PTPRN2: variants seen among roughly 807,000 people sequenced by gnomAD.
PTPRN2 encodes the protein protein tyrosine phosphatase receptor type N2.
Under a neutral mutation model 118.8 loss-of-function variants are expected in PTPRN2, and 74 were observed. The ratio of observed to expected loss-of-function variants is 0.62; its 90% CI spans 0.52 to 0.76. The LOEUF (loss-of-function observed/expected upper bound fraction) is 0.76. PTPRN2 is among the 30% of genes least tolerant of loss of function. The probability of loss-of-function intolerance (pLI) is 0.00; values close to 1 mark genes in which losing one functional copy is unlikely to be tolerated. For synonymous variants in PTPRN2, 641 were observed against 608.0 expected (o/e 1.05, Z -0.80); for missense variants, 1,481 against 1,394.4 (o/e 1.06, Z -0.99).
chr7:157,952,823 CACTT>C (rs961330624), intron 11 of PTPRN2, among the ~76,000 whole-genome samples: 54 of 152,262 alleles, frequency 3.5e-4, no homozygotes, highest in Middle Eastern at 3.4e-3. Context: ...GCTCTGAACA[CACTT>C]GCTTGCTTTC....
Position 158,133,785 on chromosome 7 carries a change from T to C in PTPRN2, c.1448A>G (p.Glu483Gly). 1 of 1,614,004 alleles carries C rather than the reference T, an allele frequency of 6.2e-7. No homozygotes were observed. The highest frequency in any genetic ancestry group is 8.5e-7 in the Non-Finnish European group (1 of 1,180,022). The change falls in exon 9 of 23, where the codon GAG becomes GGG. Residue 483 changes from glutamate (E) to glycine (G), a missense_variant. Glu to Gly is a moderately conservative substitution (Grantham distance 98). This residue lies in a region of PTPRN2 where 1,115 missense variants were observed against 994.2 expected (regional missense o/e 1.12). Coordinates refer to ENST00000389418, the MANE Select transcript of PTPRN2 (RefSeq NM_002847.5). ...AGCACCCGCTGGAAGGCTCTGCTCCTCCTTCGAGGGCCCAGGCATCTGGTT... is the reference window on the plus strand; with the variant it reads ...AGCACCCGCTGGAAGGCTCTGCTCCCCCTTCGAGGGCCCAGGCATCTGGTT... ...LQNQMPGPSK[E>G]EQSLPAGAQE...
intron 11 of PTPRN2, among the ~76,000 whole-genome samples, chr7:157,967,250 C>A (rs1802013445): frequency 6.6e-6 from 1 of 152,340 alleles, no homozygotes; most frequent in Non-Finnish European, 1.5e-5. Flanking sequence ...GTCGAGGCTG[C>A]AGTGCACTGT....
At chr7:158,269,843 G>A (rs1798176993) in intron 3 of PTPRN2, among the ~76,000 whole-genome samples, 1 of 151,654 alleles carries the variant, frequency 6.6e-6, no homozygotes, top group South Asian at 2.1e-4. Context: ...GGGATAGGGA[G>A]TCGGAGACAC....
intron 1 of PTPRN2, among the ~76,000 whole-genome samples, chr7:158,511,405 A>G (rs1207074421): frequency 6.6e-5 from 10 of 152,046 alleles, no homozygotes; most frequent in Non-Finnish European, 1.5e-5. Context: ...ACCTGTGCAG[A>G]ACTTGGAAGG....
chr7:157,866,830 GC>G (rs1174190183), intron 12 of PTPRN2, among the ~76,000 whole-genome samples: 14 of 7,434 alleles, frequency 1.9e-3, no homozygotes, highest in African/African-American at 2.8e-3. Flanking sequence ...GGCCACCACC[GC>G]CCCCCCCCGA....
At chr7:158,225,111 AC>A (rs1231393388) in intron 3 of PTPRN2, among the ~76,000 whole-genome samples, 2 of 151,074 alleles carry the variant, frequency 1.3e-5, no homozygotes, top group East Asian at 3.9e-4. Flanking sequence ...TATCACTGTT[AC>A]TTTTTTTTTT....
chr7:157,749,787 C>T (rs1333209950), intron 12 of PTPRN2, among the ~76,000 whole-genome samples: 1 of 144,142 alleles, frequency 6.9e-6, no homozygotes, highest in Non-Finnish European at 1.5e-5. Flanking sequence ...ATTCTGAGGC[C>T]TGCGTCCCTC....
intron 9 of PTPRN2, among the ~76,000 whole-genome samples, chr7:158,115,604 G>T (rs1453785231): frequency 2.0e-5 from 3 of 152,080 alleles, no homozygotes; most frequent in Admixed American, 6.5e-5. Flanking sequence ...AGGCTCTGTA[G>T]ATCTTTTTCC....
chr7:157,936,028 CA>C (rs1270606788), intron 11 of PTPRN2, among the ~76,000 whole-genome samples: 15 of 152,292 alleles, frequency 9.8e-5, no homozygotes, highest in Admixed American at 7.2e-4. Flanking sequence ...GTCGCTCCCT[CA>C]GGGGGGTCTA....
At chr7:157,742,102 A>C (rs1446651063) in intron 12 of PTPRN2, among the ~76,000 whole-genome samples, 1 of 152,226 alleles carries the variant, frequency 6.6e-6, no homozygotes, top group African/African-American at 2.4e-5. Flanking sequence ...ACGGTGACTG[A>C]GTGTGCTCAA....
Position 158,071,372 on chromosome 7 carries a change from GGTGGAGGTGCTC to G in PTPRN2, c.1723+9914_1723+9925del, listed in dbSNP as rs1563390803. Among the ~76,000 whole-genome samples, 892 of 114,990 alleles carry G rather than the reference GGTGGAGGTGCTC, an allele frequency of 7.8e-3. 97 individuals are homozygous for G. Among genetic ancestry groups the G allele is most frequent in the African/African-American group, 0.015 (412 of 27,974 alleles). 75.4% of individuals were successfully genotyped at this position (114,990 alleles called of 152,430 possible). A position where few individuals can be genotyped will look rare whatever the true frequency, so the allele number is the denominator to read the frequency against. ...TCGTGGTGGTGGAGGTGCTCATGGTGGTGGAGGTGCTCGTGGTGGAGGTGCTCGTGGTGGAGT... is the reference window on the plus strand; with the variant it reads ...TCGTGGTGGTGGAGGTGCTCATGGTGGTGGTGGAGGTGCTCGTGGTGGAGT... On this transcript the variant is annotated intron_variant, in intron 11 of 22. Transcript: ENST00000389418.
rs541285494 is a variant in PTPRN2 at position 157,935,910 on chromosome 7, G to A, written c.1724-37173C>T. Among the ~76,000 whole-genome samples the A allele has an allele frequency of 2.0e-5, 3 of 150,126 alleles. No homozygotes were observed. The South Asian group carries it at 6.5e-4, about 32-fold the overall frequency. ...CTCAGCATCTGTGTCGCTCCCTCAG[G>A]GGGGTCTAGCCATCCTCAGCATCTG... On this transcript the variant is annotated intron_variant, in intron 11 of 22. Transcript: ENST00000389418.
intron 3 of PTPRN2, among the ~76,000 whole-genome samples, chr7:158,281,267 T>C (rs1799406349): frequency 6.6e-6 from 1 of 152,168 alleles, no homozygotes; most frequent in Non-Finnish European, 1.5e-5. Flanking sequence ...CCAGTCTGGG[T>C]GACAGAGCAA....
chr7:157,730,882 G>A (rs371760158), intron 12 of PTPRN2, among the ~76,000 whole-genome samples: 211 of 152,264 alleles, frequency 1.4e-3, no homozygotes, highest in African/African-American at 4.8e-3. Context: ...CAGCTCTTCC[G>A]CTTGTTCTCT....
intron 2 of PTPRN2, among the ~76,000 whole-genome samples, chr7:158,425,386 A>G (rs113058688): frequency 1.9e-4 from 17 of 87,232 alleles, no homozygotes; most frequent in African/African-American, 9.0e-4. Flanking sequence ...AGCCTAGCTG[A>G]GGCCTGCGCA....
chr7:157,855,313 T>G (rs1809630464), intron 12 of PTPRN2, among the ~76,000 whole-genome samples: 1 of 152,178 alleles, frequency 6.6e-6, no homozygotes, highest in African/African-American at 2.4e-5. Flanking sequence ...CTTCTCGAGC[T>G]CGGCCTCTTA....
At chr7:157,923,330 G>A (rs1798791970) in intron 11 of PTPRN2, among the ~76,000 whole-genome samples, 1 of 152,196 alleles carries the variant, frequency 6.6e-6, no homozygotes, top group South Asian at 2.1e-4. Flanking sequence ...AGGTGGGTGT[G>A]TTCTGGCAGG....
intron 9 of PTPRN2, among the ~76,000 whole-genome samples, chr7:158,119,521 C>T (rs10228083): frequency 0.28 from 42,458 of 151,958 alleles, 6,843 homozygotes; most frequent in Middle Eastern, 0.44. Context: ...AGTAACTCCA[C>T]TCCTTGGTAT....
rs1797448556 is a variant in PTPRN2 at position 157,690,889 on chromosome 7, G to A, written c.1789-7952C>T. 6.8e-6 allele frequency among the ~76,000 whole-genome samples: 1 copy of A among 146,058 alleles called. No individual in the cohort carries two copies. The highest frequency in any genetic ancestry group is 1.5e-5 in the Non-Finnish European group (1 of 65,694). On this transcript the variant is annotated intron_variant, in intron 12 of 22. Transcript: ENST00000389418. This position sits in a 1 kb window ranked among gnomAD's most constrained non-coding sequence, Gnocchi z 7.1. The stretch of plus-strand genomic sequence containing the variant: ...CCCGGCCCCCGGGCTAGGCACGCTG[G>A]GCCGGGGCGCGGCGCGGGCGGGCTC...
Sources: allele counts gnomAD v4.1 joint callset (sites outside exome capture counted in the v4.1 genomes callset), GRCh38; gene constraint gnomAD v4.1.1; regional missense constraint gnomAD v4.1.1; non-coding constraint Gnocchi (gnomAD v3.1); transcripts MANE v1.5; gene names NCBI Gene and HGNC (gene_info 2026-07-23, HGNC 2026-07-21).